The following GSK3B variants were observed in gnomAD, a reference collection of about 807,000 sequenced individuals.
GSK3B encodes the protein glycogen synthase kinase-3 beta.
Under a neutral mutation model 56.4 loss-of-function variants are expected in GSK3B, and 15 were observed. That is an observed-to-expected ratio of 0.27 (90% CI 0.18 to 0.41). GSK3B has a LOEUF of 0.41. Ranked by LOEUF, GSK3B falls within the 10% of genes least tolerant of loss-of-function variation. The pLI is 1.00. For missense variants in GSK3B, 300 were observed against 513.4 expected (o/e 0.58, Z 4.02); for synonymous variants, 181 against 188.9 (o/e 0.96, Z 0.34).
chr3:119,832,525 G>C (rs2107999919), intron 10 of GSK3B, among the ~76,000 whole-genome samples: 1 of 152,240 alleles, frequency 6.6e-6, no homozygotes, highest in Non-Finnish European at 1.5e-5. Flanking sequence ...GAACTTAAAT[G>C]CCATTTAGGG....
chr3:119,990,841 T>A (rs752977369), intron 2 of GSK3B, among the ~76,000 whole-genome samples: 1 of 152,178 alleles, frequency 6.6e-6, no homozygotes, highest in African/African-American at 2.4e-5. Flanking sequence ...GGCAGGAGAA[T>A]TGCTTGAACC....
chr3:119,969,346 C>G (rs1280554877), intron 2 of GSK3B, among the ~76,000 whole-genome samples: 2 of 151,110 alleles, frequency 1.3e-5, no homozygotes, highest in Admixed American at 1.3e-4. Context: ...CCAAAAAAGT[C>G]AAGGAAGGTC....
chr3:119,887,399 T>C (rs1035220066), intron 7 of GSK3B, among the ~76,000 whole-genome samples: 17 of 151,772 alleles, frequency 1.1e-4, no homozygotes, highest in African/African-American at 3.4e-4. Flanking sequence ...GAAGACAGAA[T>C]TGGCACATAA....
intron 2 of GSK3B, among the ~76,000 whole-genome samples, chr3:119,980,636 G>GA (rs1647590633): frequency 6.6e-6 from 1 of 152,166 alleles, no homozygotes; most frequent in South Asian, 2.1e-4. Context: ...TTACAGGCGT[G>GA]AGACACCGCA....
intron 10 of GSK3B, among the ~76,000 whole-genome samples, chr3:119,837,158 TTTTC>T (rs1429674863): frequency 6.6e-6 from 1 of 152,070 alleles, no homozygotes; most frequent in Non-Finnish European, 1.5e-5. Flanking sequence ...AAGGATAAAC[TTTTC>T]TTTCTTTTTT....
intron 3 of GSK3B, among the ~76,000 whole-genome samples, chr3:119,927,410 A>T (rs1177160412): frequency 2.0e-5 from 3 of 152,150 alleles, no homozygotes; most frequent in African/African-American, 7.2e-5. Context: ...ATAAGGCAAT[A>T]GGGACTTTTT....
intron 10 of GSK3B, among the ~76,000 whole-genome samples, chr3:119,840,222 G>T (rs2055752229): frequency 1.4e-5 from 1 of 70,212 alleles, no homozygotes; most frequent in Non-Finnish European, 2.9e-5. Flanking sequence ...CTGATGCCGA[G>T]AATTTTTTTT....
intron 10 of GSK3B, among the ~76,000 whole-genome samples, chr3:119,840,760 G>A (rs931844311): frequency 1.6e-4 from 25 of 152,090 alleles, no homozygotes; most frequent in African/African-American, 5.5e-4. Flanking sequence ...GTTACAATAA[G>A]GGGAACTTTA....
chr3:119,898,081 C>T (rs2056587772), intron 7 of GSK3B, among the ~76,000 whole-genome samples: 1 of 152,168 alleles, frequency 6.6e-6, no homozygotes, highest in South Asian at 2.1e-4. Flanking sequence ...ACTGAAATCA[C>T]AGCTCAGCCT....
At chr3:120,061,449 T>C (rs578137612) in intron 1 of GSK3B, among the ~76,000 whole-genome samples, 35 of 152,340 alleles carry the variant, frequency 2.3e-4, no homozygotes, top group African/African-American at 8.4e-4. Flanking sequence ...CTATTATCAA[T>C]TTATTTCAAT....
chr3:120,058,472 T>C (rs2058209142), intron 1 of GSK3B, among the ~76,000 whole-genome samples: 1 of 152,128 alleles, frequency 6.6e-6, no homozygotes, highest in African/African-American at 2.4e-5. Flanking sequence ...TTTTGGATGG[T>C]GGAGTTATAG....
At chr3:120,016,542 A>T (rs542707723) in intron 1 of GSK3B, among the ~76,000 whole-genome samples, 1 of 152,330 alleles carries the variant, frequency 6.6e-6, no homozygotes, top group African/African-American at 2.4e-5. Flanking sequence ...TGTCATAAAT[A>T]TAAGAGATGG....
At chr3:119,865,764 C>T (rs914093372) in intron 8 of GSK3B, among the ~76,000 whole-genome samples, 19 of 151,662 alleles carry the variant, frequency 1.3e-4, no homozygotes, top group Admixed American at 3.3e-4. Flanking sequence ...CCACCGTGCC[C>T]GGCCTATTTC....
intron 1 of GSK3B, among the ~76,000 whole-genome samples, chr3:120,030,569 T>C (rs1559883460): frequency 6.6e-6 from 1 of 152,204 alleles, no homozygotes; most frequent in Admixed American, 6.5e-5. Context: ...TTTCAGTTTA[T>C]TGAATACACA....
chr3:119,861,531 AAACAAAC>A, intron 9 of GSK3B, among the ~76,000 whole-genome samples: 1 of 150,280 alleles, frequency 6.7e-6, no homozygotes, highest in African/African-American at 2.5e-5. Context: ...AAAACAAAAC[AAACAAAC>A]AAACAAACAA....
chr3:119,913,600 T>A lies in GSK3B; in HGVS notation c.609-790A>T, dbSNP rs569435533. On this transcript the variant is annotated intron_variant, in intron 5 of 10. Coordinates refer to ENST00000264235, the MANE Select transcript of GSK3B (RefSeq NM_001146156.2). ...AGCCAGCCATTCTGACATACATTAA[T>A]AATAAAGATAAATAAAGGGACAAAA... 1.3e-4 allele frequency among the ~76,000 whole-genome samples: 19 copies of A among 149,482 alleles called. No homozygotes were observed. In the East Asian group the frequency reaches 3.5e-3, roughly 28 times the overall value.
chr3:120,025,335 A>G (rs765743435), intron 1 of GSK3B, among the ~76,000 whole-genome samples: 1 of 152,172 alleles, frequency 6.6e-6, no homozygotes, highest in Non-Finnish European at 1.5e-5. Flanking sequence ...TTAGCCTACA[A>G]CAGTTCTCAG....
intron 2 of GSK3B, among the ~76,000 whole-genome samples, chr3:119,989,052 A>G (rs558721368): frequency 6.6e-6 from 1 of 152,336 alleles, no homozygotes; most frequent in African/African-American, 2.4e-5. Context: ...TTCCAAAATA[A>G]GTCGGGCTTT....
intron 7 of GSK3B, among the ~76,000 whole-genome samples, chr3:119,878,770 T>A (rs1369801123): frequency 6.6e-6 from 1 of 152,174 alleles, no homozygotes; most frequent in Non-Finnish European, 1.5e-5. Context: ...CTCAGTAATT[T>A]AAAAAGAACA....
Sources: gnomAD v4.1 joint callset for allele counts (sites outside exome capture counted in the v4.1 genomes callset) on GRCh38, gnomAD v4.1.1 for gene constraint, MANE v1.5 for transcripts, NCBI Gene and HGNC (gene_info 2026-07-23, HGNC 2026-07-21) for gene names.